The following SHKBP1 variants were observed in gnomAD, a reference collection of about 807,000 sequenced individuals.
SHKBP1 encodes SH3KBP1-binding protein 1.
In SHKBP1, 71 loss-of-function variants were observed where a neutral mutation model predicts 83.9. That is an observed-to-expected ratio of 0.85 (90% CI 0.70 to 1.03). The LOEUF is 1.03. Ranked by LOEUF, SHKBP1 falls within the 50% of genes least tolerant of loss-of-function variation. SHKBP1 has a pLI of 0.00. For synonymous variants in SHKBP1, 371 were observed against 398.0 expected (o/e 0.93, Z 0.81); for missense variants, 824 against 982.4 (o/e 0.84, Z 2.16).
intron 12 of SHKBP1, chr19:40,585,550 T>TTTTTTTTTTCTTTCTTTTTTTTTTTTTTC (rs398034634): frequency 6.9e-6 from 1 of 144,712 alleles, no homozygotes; most frequent in Non-Finnish European, 1.5e-5. Context: ...TTTTTTTTTT[T>TTTTTTTTTTCTTTCTTTTTTTTTTTTTTC]GTCTTTTCCT....
intron 13 of SHKBP1, 97 bp downstream of exon 13, chr19:40,587,041 G>A: frequency 2.6e-6 from 3 of 1,175,526 alleles, no homozygotes; most frequent in Non-Finnish European, 3.6e-6. Context: ...GGGACATTGT[G>A]TAGGAAGAGA....
At chr19:40,580,031 C>CAA (rs35620022) in intron 6 of SHKBP1, 2,269 of 61,708 alleles carry the variant, frequency 0.037, 40 homozygotes, top group South Asian at 0.044. Context: ...AACTCCAACT[C>CAA]AAAAAAAAAA....
chr19:40,586,605 G>A (rs2081314054), intron 12 of SHKBP1, 169 bp from the exon 13 acceptor site: 6 of 555,862 alleles, frequency 1.1e-5, no homozygotes, highest in South Asian at 1.0e-4. Context: ...GACCTCAAGC[G>A]ATCCACCCGC....
intron 6 of SHKBP1, among the ~76,000 whole-genome samples, chr19:40,578,910 G>A (rs2081245206): frequency 6.6e-6 from 1 of 152,086 alleles, no homozygotes; most frequent in South Asian, 2.1e-4. Context: ...GCCATGGAAG[G>A]TATGCCCCAG....
chr19:40,578,346 G>A, intron 5 of SHKBP1, 116 bp from the exon 6 acceptor site: 1 of 1,456,648 alleles, frequency 6.9e-7, no homozygotes, highest in East Asian at 2.3e-5. Context: ...CCCTGGCCGG[G>A]TCTGTATTCG....
intron 12 of SHKBP1, among the ~76,000 whole-genome samples, chr19:40,585,394 C>T (rs2081302923): frequency 1.3e-5 from 2 of 152,024 alleles, no homozygotes; most frequent in Admixed American, 1.3e-4. Flanking sequence ...ACTTGAGTCA[C>T]TGTGCTTGGC....
chr19:40,580,190 T>C (rs903010387), intron 6 of SHKBP1, 134 bp from the exon 7 acceptor site: 36 of 1,030,792 alleles, frequency 3.5e-5, no homozygotes, highest in Non-Finnish European at 4.9e-5. Flanking sequence ...GCTGTGTCAC[T>C]GCACCACTTA....
In SHKBP1 at chr19:40,578,549, A is replaced by C. The variant is rs1481616038; in HGVS notation, c.400+7A>C. 1 of 1,608,542 alleles carries C rather than the reference A, an allele frequency of 6.2e-7. No homozygotes were observed. The highest frequency in any genetic ancestry group is 1.7e-5 in the Admixed American group (1 of 59,566). The stretch of plus-strand genomic sequence containing the variant: ...GGTTACCTGCCGCCACCAGGTAGGC[A>C]CTCCCAATGGAATGGAGGGGCGCGG... On this transcript the variant is annotated splice_region_variant and intron_variant, in intron 6 of 17. Transcript: ENST00000291842.
chr19:40,587,897 C>G (rs1476555676), intron 13 of SHKBP1, among the ~76,000 whole-genome samples: 3 of 152,108 alleles, frequency 2.0e-5, no homozygotes, highest in Non-Finnish European at 4.4e-5. Context: ...AAGCAAGACT[C>G]TATCTCATAA....
Position 40,579,672 on chromosome 19 carries a change from C to G in SHKBP1, c.401-652C>G, listed in dbSNP as rs575467761. Among the ~76,000 whole-genome samples the G allele has an allele frequency of 2.6e-5, 4 of 151,900 alleles. No homozygotes were observed. In the South Asian group the frequency reaches 8.4e-4, roughly 32 times the overall value. On this transcript the variant is annotated intron_variant, in intron 6 of 17. Coordinates refer to ENST00000291842, the MANE Select transcript of SHKBP1 (RefSeq NM_138392.4). ...AGCGAGATGCTGTCTCAAAACAAAA[C>G]AAAACGAAAAACAACTCTGGCTAGA...
At chr19:40,577,051 C>T (rs2081219037) in intron 1 of SHKBP1, 66 bp downstream of exon 1, 4 of 1,328,432 alleles carry the variant, frequency 3.0e-6, no homozygotes, top group Non-Finnish European at 2.1e-6. Flanking sequence ...GTATCCGCCT[C>T]TCCTGGGGGA....
chr19:40,590,477 C>T lies in SHKBP1; in HGVS notation c.1768+55C>T, dbSNP rs977390098. 7.2e-6 allele frequency: 11 copies of T among 1,535,804 alleles called. No homozygotes were observed. In the African/African-American group the frequency reaches 1.5e-4, roughly 21 times the overall value. On this transcript the variant is annotated intron_variant, in intron 16 of 17. Transcript: ENST00000291842. The surrounding 1 kb of genome is among the most constrained non-coding windows in gnomAD (Gnocchi z 4.6). ...CAAGCCCCACAGCCTCACCCAGAAC[C>T]ACTCTCCACTGCCAACTGCTTGATC...
Position 40,577,629 on chromosome 19 carries a change from A to ATC in SHKBP1, c.259_260insTC (p.Arg87IlefsTer52). 17 of 1,614,080 alleles carry ATC rather than the reference A, an allele frequency of 1.1e-5. No homozygotes were observed. Among genetic ancestry groups the ATC allele is most frequent in the Non-Finnish European group, 1.4e-5 (17 of 1,180,000 alleles). The stretch of plus-strand genomic sequence containing the variant: ...CCTGCGCACCAAAGAGTTGGATCCC[A>ATC]GGTTGGCATGGAAAAAGGGGAGGGA... On this transcript the variant is annotated frameshift_variant and splice_region_variant, in exon 4 of 18. Coordinates refer to ENST00000291842, the MANE Select transcript of SHKBP1 (RefSeq NM_138392.4). LOFTEE classifies it high-confidence loss of function.
intron 5 of SHKBP1, 118 bp from the exon 6 acceptor site, chr19:40,578,344 G>C (rs2081238810): frequency 6.9e-7 from 1 of 1,456,974 alleles, no homozygotes; most frequent in Non-Finnish European, 9.6e-7. Flanking sequence ...GGCCCTGGCC[G>C]GGTCTGTATT....
Position 40,582,404 on chromosome 19 carries a change from C to T in SHKBP1, c.898C>T (p.Leu300Phe). 6.2e-7 allele frequency: 1 copy of T among 1,614,186 alleles called. No homozygotes were observed. The highest frequency in any genetic ancestry group is 8.5e-7 in the Non-Finnish European group (1 of 1,180,030). ...VEALFFVGNQ[L>F]IATSHTGRIG... The stretch of plus-strand genomic sequence containing the variant: ...GGCCTTGTTCTTCGTCGGGAACCAG[C>T]TCATTGCTACAAGCCACACAGGGCG... Residue 300 changes from leucine to phenylalanine, a missense_variant, in exon 10 of 18, where the codon CTC becomes TTC. By Grantham distance (22) the Leu-to-Phe change is conservative. Around this residue, in one of 3 missense-constraint regions of SHKBP1, gnomAD observed 182 missense variants for 273.1 expected, o/e 0.67. Transcript: ENST00000291842.
Position 40,580,300 on chromosome 19 carries a change from C to T in SHKBP1, c.401-24C>T, listed in dbSNP as rs1406709201. 3 of 1,600,504 alleles carry T rather than the reference C, an allele frequency of 1.9e-6. No individual in the cohort carries two copies. The Admixed American group carries it at 5.1e-5, about 27-fold the overall frequency. On this transcript the variant is annotated intron_variant, in intron 6 of 17. Transcript: ENST00000291842. ...ACAGCCACGATTACAATGACTGTTA[C>T]TCTACCTCTTATTCTCACTGTAGTG...
At chr19:40,578,111 C>T (rs1463216781) in intron 4 of SHKBP1, 43 bp from the exon 5 acceptor site, 2 of 1,533,782 alleles carry the variant, frequency 1.3e-6, no homozygotes, top group South Asian at 1.1e-5. Context: ...CTCTGTTCAC[C>T]CCCACACCTA....
intron 14 of SHKBP1, 58 bp downstream of exon 14, chr19:40,588,837 A>G: frequency 6.3e-7 from 1 of 1,586,314 alleles, no homozygotes. Flanking sequence ...ACCCCTGTTG[A>G]CCTCCGCTGA....
chr19:40,579,614 T>G (rs1038937010), intron 6 of SHKBP1, among the ~76,000 whole-genome samples: 1 of 152,164 alleles, frequency 6.6e-6, no homozygotes, highest in African/African-American at 2.4e-5. Context: ...CAGTGAACTA[T>G]GATCACTCAT....
Sources: gnomAD v4.1 joint callset for allele counts (sites outside exome capture counted in the v4.1 genomes callset) on GRCh38, gnomAD v4.1.1 for gene constraint, gnomAD v4.1.1 regional missense constraint, Gnocchi (gnomAD v3.1) non-coding constraint, MANE v1.5 for transcripts, NCBI Gene and HGNC (gene_info 2026-07-23, HGNC 2026-07-21) for gene names.